UCK2: variants seen among roughly 807,000 people sequenced by gnomAD.
UCK2 encodes the protein uridine-cytidine kinase 2, also known as cytidine monophosphokinase 2.
UCK2 carries 6 observed loss-of-function variants against 30.8 expected under a neutral mutation model. The observed-to-expected ratio is 0.19, with a 90% CI of 0.11 to 0.38. The LOEUF is 0.38. UCK2 is among the 10% of genes least tolerant of loss of function. UCK2 has a pLI of 1.00. For synonymous variants in UCK2, 125 were observed against 133.6 expected (o/e 0.94, Z 0.45); for missense variants, 210 against 339.8 (o/e 0.62, Z 3.00).
Position 165,904,806 on chromosome 1 carries a change from T to G in UCK2, c.598-1115T>G, listed in dbSNP as rs1001115221. ...TTGAGGTGTGGTTTATGTGTTCTTA[T>G]GCTAGACTTAGTTTGTATGCCAGGA... On this transcript the variant is annotated intron_variant, in intron 5 of 6. Coordinates refer to ENST00000367879, the MANE Select transcript of UCK2 (RefSeq NM_012474.5). Among the ~76,000 whole-genome samples the G allele has an allele frequency of 5.3e-5, 8 of 152,352 alleles. No individual in the cohort carries two copies. The East Asian group carries it at 1.5e-3, about 29-fold the overall frequency.
At chr1:165,903,623 C>T (rs907208248) in intron 5 of UCK2, among the ~76,000 whole-genome samples, 3 of 152,174 alleles carry the variant, frequency 2.0e-5, no homozygotes, top group Non-Finnish European at 2.9e-5. Flanking sequence ...AGTCCTCAGC[C>T]ATTTGGATCT....
chr1:165,879,445 G>A (rs1312987423), intron 1 of UCK2, among the ~76,000 whole-genome samples: 1 of 152,050 alleles, frequency 6.6e-6, no homozygotes, highest in Non-Finnish European at 1.5e-5. Flanking sequence ...ATTCATATTT[G>A]CGTGGGTCTG....
rs796634010 is a variant in UCK2 at position 165,906,038 on chromosome 1, A to C, written c.646+69A>C. 8.6e-5 allele frequency: 128 copies of C among 1,481,442 alleles called. No individual in the cohort carries two copies. In the East Asian group the frequency reaches 1.9e-3, roughly 22 times the overall value. 91.8% of individuals were successfully genotyped at this position (1,481,442 alleles called of 1,614,324 possible). ...TTTGTCAGTCATAATTTGGGGCAGG[A>C]TGTGGTGACCCTACAGGGCTCTGCA... On this transcript the variant is annotated intron_variant, in intron 6 of 6. Transcript: ENST00000367879.
chr1:165,895,893 T>C (rs1655885588), intron 3 of UCK2: 1 of 275,272 alleles, frequency 3.6e-6, no homozygotes. Context: ...TTATTCTTCA[T>C]TCAACAGCAG....
intron 1 of UCK2, among the ~76,000 whole-genome samples, chr1:165,871,274 C>G (rs1395104949): frequency 6.6e-6 from 1 of 152,154 alleles, no homozygotes; most frequent in Non-Finnish European, 1.5e-5. Context: ...AAATATACCT[C>G]GTGTTTTAAA....
intron 4 of UCK2, chr1:165,902,830 T>A (rs538679104): frequency 1.1e-5 from 2 of 179,076 alleles, no homozygotes; most frequent in African/African-American, 4.7e-5. Flanking sequence ...AGATTGCTTC[T>A]TGTTAACAGT....
chr1:165,871,455 A>G (rs975014975), intron 1 of UCK2, among the ~76,000 whole-genome samples: 4 of 152,166 alleles, frequency 2.6e-5, no homozygotes, highest in Non-Finnish European at 5.9e-5. Flanking sequence ...ACAGGGACAC[A>G]GCTGCAGGTC....
intron 1 of UCK2, among the ~76,000 whole-genome samples, chr1:165,831,017 A>G (rs1654033553): frequency 6.6e-6 from 1 of 152,168 alleles, no homozygotes; most frequent in South Asian, 2.1e-4. Context: ...CTGAGGTGGG[A>G]GGAATGCTTG....
intron 1 of UCK2, among the ~76,000 whole-genome samples, chr1:165,889,993 C>CT (rs1400017632): frequency 6.6e-6 from 1 of 152,100 alleles, no homozygotes; most frequent in African/African-American, 2.4e-5. Flanking sequence ...TCCTCTAGCT[C>CT]CATCCATGTT....
At chr1:165,879,688 T>G (rs74118937) in intron 1 of UCK2, among the ~76,000 whole-genome samples, 2,351 of 152,088 alleles carry the variant, frequency 0.015, 62 homozygotes, top group African/African-American at 0.048. Flanking sequence ...TCTTTTCTCT[T>G]TTTTGATTCT....
intron 1 of UCK2, among the ~76,000 whole-genome samples, chr1:165,873,952 G>A (rs1034741559): frequency 6.6e-6 from 1 of 152,010 alleles, no homozygotes; most frequent in African/African-American, 2.4e-5. Context: ...CAGTATCACT[G>A]CTTCCTTTAG....
At chr1:165,866,701 A>G (rs1161688981) in intron 1 of UCK2, among the ~76,000 whole-genome samples, 1 of 152,264 alleles carries the variant, frequency 6.6e-6, no homozygotes, top group East Asian at 1.9e-4. Context: ...GGCAACCACC[A>G]TTCTACTTTC....
At chr1:165,836,833 G>C (rs1654206516) in intron 1 of UCK2, among the ~76,000 whole-genome samples, 1 of 152,194 alleles carries the variant, frequency 6.6e-6, no homozygotes, top group Non-Finnish European at 1.5e-5. Context: ...TGCTATAGCA[G>C]AATACCTGAT....
At chr1:165,891,171 A>G (rs1335287789) in intron 2 of UCK2, 55 bp from the exon 3 acceptor site, 1 of 1,486,042 alleles carries the variant, frequency 6.7e-7, no homozygotes, top group African/African-American at 1.4e-5. Flanking sequence ...GTGTATGATT[A>G]TAGGAGATCC....
intron 1 of UCK2, among the ~76,000 whole-genome samples, chr1:165,886,836 A>T (rs997887396): frequency 2.6e-5 from 4 of 152,194 alleles, no homozygotes; most frequent in Admixed American, 1.3e-4. Flanking sequence ...AATAGAGAGG[A>T]TGATATAACC....
At chr1:165,832,634 A>G (rs1032469142) in intron 1 of UCK2, among the ~76,000 whole-genome samples, 5 of 152,052 alleles carry the variant, frequency 3.3e-5, no homozygotes, top group Non-Finnish European at 5.9e-5. Context: ...TTTGGGACAG[A>G]GCCTTGCTCT....
intron 1 of UCK2, 48 bp from the exon 2 acceptor site, chr1:165,890,156 A>C (rs2101881184): frequency 6.2e-7 from 1 of 1,608,628 alleles, no homozygotes; most frequent in South Asian, 1.1e-5. Flanking sequence ...CCTCTGTACC[A>C]CACGTGCCCT....
chr1:165,888,488 C>T (rs1655679117), intron 1 of UCK2, among the ~76,000 whole-genome samples: 1 of 151,908 alleles, frequency 6.6e-6, no homozygotes, highest in Non-Finnish European at 1.5e-5. Flanking sequence ...GGCAGGGTTT[C>T]ACCATGTTGG....
chr1:165,868,489 A>G (rs1395492315), intron 1 of UCK2, among the ~76,000 whole-genome samples: 1 of 152,224 alleles, frequency 6.6e-6, no homozygotes, highest in Non-Finnish European at 1.5e-5. Context: ...TATTTTAGCT[A>G]GATCTTCTGG....
Sources: allele counts gnomAD v4.1 joint callset (sites outside exome capture counted in the v4.1 genomes callset), GRCh38; gene constraint gnomAD v4.1.1; transcripts MANE v1.5; gene names NCBI Gene and HGNC (gene_info 2026-07-23, HGNC 2026-07-21).